CELF2: variants seen among roughly 807,000 people sequenced by gnomAD.
CELF2 encodes CUG triplet repeat RNA-binding protein 2.
A neutral mutation model predicts 62.6 loss-of-function variants in CELF2; 8 were observed. That is an observed-to-expected ratio of 0.13 (90% CI 0.07 to 0.23). The LOEUF (loss-of-function observed/expected upper bound fraction) is 0.23. Among genes scored for constraint, CELF2 ranks in the 10% least tolerant of loss-of-function variants. CELF2 has a pLI of 1.00. For missense variants in CELF2, 333 were observed against 671.0 expected (o/e 0.50, Z 5.56); for synonymous variants, 258 against 250.0 (o/e 1.03, Z -0.30).
At chr10:11,137,725 G>A (rs558586158) in intron 1 of CELF2, among the ~76,000 whole-genome samples, 25 of 152,208 alleles carry the variant, frequency 1.6e-4, no homozygotes, top group Non-Finnish European at 3.4e-4. Context: ...TGAAAAGTAC[G>A]ACAAATTCAG....
chr10:11,315,217 A>G lies in CELF2; in HGVS notation c.1096+959A>G, dbSNP rs553930198. ...CCGTTTCAGATCCCCTGGTTGCCTGAGAGTAGCCAAGCCCAGCAGATCCAC... is the reference window on the plus strand; with the variant it reads ...CCGTTTCAGATCCCCTGGTTGCCTGGGAGTAGCCAAGCCCAGCAGATCCAC... On this transcript the variant is annotated intron_variant, in intron 10 of 12. Transcript: ENST00000633077. This position sits in a 1 kb window ranked among gnomAD's most constrained non-coding sequence, Gnocchi z 5.8. 6.6e-6 allele frequency among the ~76,000 whole-genome samples: 1 copy of G among 152,242 alleles called. No homozygotes were observed. The highest frequency in any genetic ancestry group is 2.1e-4 in the South Asian group (1 of 4,812).
At chr10:10,707,964 C>G in the CELF2 span, among the ~76,000 whole-genome samples, 1 of 152,072 alleles carries the variant, frequency 6.6e-6, no homozygotes, top group Admixed American at 6.6e-5. Flanking sequence ...TAGATACTAT[C>G]TTTAACGTAT....
At chr10:10,550,488 C>A in the CELF2 span, among the ~76,000 whole-genome samples, 2 of 152,142 alleles carry the variant, frequency 1.3e-5, no homozygotes, top group Non-Finnish European at 2.9e-5. Flanking sequence ...AGCTTTACTG[C>A]AAGTTGACTG....
chr10:11,302,652 G>A lies in CELF2; in HGVS notation c.977-11487G>A, dbSNP rs115892002. ...CTTTCTCTGTGATCTGGTCATTTAGGATCGAGTTGGGTGTACTTGGTGTGG... is the reference window on the plus strand; with the variant it reads ...CTTTCTCTGTGATCTGGTCATTTAGAATCGAGTTGGGTGTACTTGGTGTGG... On this transcript the variant is annotated intron_variant, in intron 9 of 12. Coordinates refer to ENST00000633077, the MANE Select transcript of CELF2 (RefSeq NM_001326342.2). The surrounding 1 kb of genome is among the most constrained non-coding windows in gnomAD (Gnocchi z 5.0). 0.011 allele frequency among the ~76,000 whole-genome samples: 1,605 copies of A among 152,284 alleles called. 34 individuals are homozygous for A. Among genetic ancestry groups the A allele is most frequent in the African/African-American group, 0.037 (1,524 of 41,532 alleles).
Position 11,314,436 on chromosome 10 carries a change from A to G in CELF2, c.1096+178A>G. 1.3e-6 allele frequency: 1 copy of G among 766,062 alleles called. No individual in the cohort carries two copies. The highest frequency in any genetic ancestry group is 2.2e-6 in the Non-Finnish European group (1 of 448,488). 47.5% of individuals were successfully genotyped at this position (766,062 alleles called of 1,614,324 possible). ...GCTGTCTACACTCGTTTTGCCTCAG[A>G]AAATCCCCAACCACTCTCCACCCCC... On this transcript the variant is annotated intron_variant, in intron 10 of 12. Coordinates refer to ENST00000633077, the MANE Select transcript of CELF2 (RefSeq NM_001326342.2). This position sits in a 1 kb window ranked among gnomAD's most constrained non-coding sequence, Gnocchi z 5.3.
intron 1 of CELF2, among the ~76,000 whole-genome samples, chr10:11,050,485 C>G (rs1369194035): frequency 3.3e-5 from 5 of 152,182 alleles, no homozygotes; most frequent in African/African-American, 9.7e-5. Context: ...CATGGAGTGT[C>G]GGTTCTAATT....
In CELF2 at chr10:11,046,230, G is replaced by A. The variant is rs1037218036; in HGVS notation, c.74+28067G>A. On this transcript the variant is annotated intron_variant, in intron 1 of 12. Coordinates refer to ENST00000633077, the MANE Select transcript of CELF2 (RefSeq NM_001326342.2). This position sits in a 1 kb window ranked among gnomAD's most constrained non-coding sequence, Gnocchi z 4.6. ...CCGAACGCTGGGCCCATCCCCAGACGTTCCGATTCAGCGGGTCCAAGGTGG... is the reference window on the plus strand; with the variant it reads ...CCGAACGCTGGGCCCATCCCCAGACATTCCGATTCAGCGGGTCCAAGGTGG... 7.2e-5 allele frequency among the ~76,000 whole-genome samples: 11 copies of A among 152,178 alleles called. No individual in the cohort carries two copies. Among genetic ancestry groups the A allele is most frequent in the Non-Finnish European group, 7.3e-5 (5 of 68,028 alleles).
intron 4 of CELF2, among the ~76,000 whole-genome samples, chr10:11,249,848 T>A (rs2076625579): frequency 6.6e-6 from 1 of 152,208 alleles, no homozygotes; most frequent in Non-Finnish European, 1.5e-5. Flanking sequence ...AAGTTTTTGT[T>A]CCCTTTCAGC....
the CELF2 span, among the ~76,000 whole-genome samples, chr10:10,674,078 T>A: frequency 6.6e-6 from 1 of 152,216 alleles, no homozygotes; most frequent in Non-Finnish European, 1.5e-5. Flanking sequence ...TTGTCCTTAC[T>A]GATTGTATGC....
At chr10:10,667,561 T>C in the CELF2 span, among the ~76,000 whole-genome samples, 2 of 152,222 alleles carry the variant, frequency 1.3e-5, no homozygotes, top group African/African-American at 2.4e-5. Flanking sequence ...AGTTGCTGAA[T>C]GGGTCTCCCA....
intron 1 of CELF2, among the ~76,000 whole-genome samples, chr10:10,907,144 T>A (rs2063417186): frequency 6.6e-6 from 1 of 151,868 alleles, no homozygotes. Flanking sequence ...TGCACACACA[T>A]AACTAGAAGG....
intron 1 of CELF2, among the ~76,000 whole-genome samples, chr10:11,119,382 G>A (rs1376625733): frequency 2.6e-5 from 4 of 152,138 alleles, no homozygotes; most frequent in Admixed American, 6.6e-5. Flanking sequence ...AAGAAGCTGG[G>A]GAGTGCCCTG....
intron 2 of CELF2, among the ~76,000 whole-genome samples, chr10:10,989,341 G>C (rs1260226129): frequency 1.3e-5 from 2 of 152,084 alleles, no homozygotes; most frequent in African/African-American, 4.8e-5. Flanking sequence ...AGAAAGTATA[G>C]CTACCAGTTT....
At chr10:11,102,426 A>G (rs1046555411) in intron 1 of CELF2, among the ~76,000 whole-genome samples, 13 of 152,276 alleles carry the variant, frequency 8.5e-5, no homozygotes, top group African/African-American at 3.1e-4. Flanking sequence ...AGTTTCTGCT[A>G]TAGCTGAAGA....
chr10:10,889,141 C>T (rs1336077428), intron 1 of CELF2, among the ~76,000 whole-genome samples: 2 of 152,132 alleles, frequency 1.3e-5, no homozygotes, highest in Non-Finnish European at 2.9e-5. Flanking sequence ...AACTTAAAAT[C>T]CTCTAATATA....
At chr10:11,256,296 A>T (rs1412878657) in intron 4 of CELF2, among the ~76,000 whole-genome samples, 2 of 152,242 alleles carry the variant, frequency 1.3e-5, no homozygotes, top group African/African-American at 4.8e-5. Flanking sequence ...ACCTGTTACC[A>T]GTACACCTGC....
chr10:11,142,744 C>T (rs1020891456), intron 1 of CELF2, among the ~76,000 whole-genome samples: 2 of 150,664 alleles, frequency 1.3e-5, no homozygotes, highest in African/African-American at 4.9e-5. Context: ...CCACAGGATC[C>T]GAGAAATACA....
rs1237065626 is a variant in CELF2 at position 10,947,497 on chromosome 10, T to C, written c.89+27498T>C. The C allele has an allele frequency of 6.6e-6, 1 of 152,664 alleles. No individual in the cohort carries two copies. The highest frequency in any genetic ancestry group is 1.5e-5 in the Non-Finnish European group (1 of 68,040). The allele number at this position is 152,664 out of a possible 1,614,324, so 9.5% of individuals were successfully genotyped here. ...GGTAGCATGAAACATCATTTGTAAC[T>C]GGTGATGGTCAGATTAACATTCCCC... is the stretch of plus-strand genomic sequence containing the variant. On this transcript the variant is annotated intron_variant, in intron 2 of 13. Coordinates refer to the CELF2 transcript ENST00000636488. This position sits in a 1 kb window ranked among gnomAD's most constrained non-coding sequence, Gnocchi z 4.1.
chr10:10,497,479 A>G, the CELF2 span, among the ~76,000 whole-genome samples: 2 of 152,200 alleles, frequency 1.3e-5, no homozygotes, highest in African/African-American at 4.8e-5. Flanking sequence ...AGTGGAAGAG[A>G]AAGGCACTAC....
Sources: allele counts gnomAD v4.1 joint callset (sites outside exome capture counted in the v4.1 genomes callset), GRCh38; gene constraint gnomAD v4.1.1; non-coding constraint Gnocchi (gnomAD v3.1); transcripts MANE v1.5; gene names NCBI Gene and HGNC (gene_info 2026-07-23, HGNC 2026-07-21).